Variants in BTBD9 observed in about 807,000 individuals in gnomAD.
The protein encoded by BTBD9 is BTB/POZ domain-containing protein 9.
BTBD9 carries 49 observed loss-of-function variants against 64.3 expected under a neutral mutation model. The observed-to-expected ratio is 0.76, with a 90% CI of 0.61 to 0.97. BTBD9 has a LOEUF of 0.97. Ranked by LOEUF, BTBD9 falls within the 50% of genes least tolerant of loss-of-function variation. The pLI is 0.00. For synonymous variants in BTBD9, 260 were observed against 274.7 expected (o/e 0.95, Z 0.53); for missense variants, 598 against 762.1 (o/e 0.78, Z 2.53).
intron 6 of BTBD9, among the ~76,000 whole-genome samples, chr6:38,487,512 G>T (rs1031425115): frequency 2.0e-5 from 3 of 151,958 alleles, no homozygotes. Context: ...GTCCAGGGAG[G>T]TCGAGGCTGC....
chr6:38,483,003 T>C (rs1432183477), intron 6 of BTBD9, among the ~76,000 whole-genome samples: 2 of 151,938 alleles, frequency 1.3e-5, no homozygotes, highest in East Asian at 3.9e-4. Flanking sequence ...TCTCCCATAA[T>C]GAGGTACACG....
At chr6:38,463,954 C>T (rs1770221760) in intron 6 of BTBD9, among the ~76,000 whole-genome samples, 1 of 152,232 alleles carries the variant, frequency 6.6e-6, no homozygotes, top group South Asian at 2.1e-4. Context: ...ATCATCTGAG[C>T]CGGAGATGCA....
chr6:38,437,214 A>G (rs1435457634), intron 6 of BTBD9, among the ~76,000 whole-genome samples: 1 of 152,236 alleles, frequency 6.6e-6, no homozygotes, highest in Non-Finnish European at 1.5e-5. Flanking sequence ...TGGACACCAA[A>G]GATGCTAACG....
At chr6:38,587,229 C>G in intron 4 of BTBD9, 1 of 227,962 alleles carries the variant, frequency 4.4e-6, no homozygotes, top group Non-Finnish European at 8.8e-6. Context: ...TGACATCGGC[C>G]CAGTCAGTGG....
rs1761707580 is a variant in BTBD9 at position 38,184,139 on chromosome 6, C to G, written c.1641+8380G>C. Among the ~76,000 whole-genome samples the G allele has an allele frequency of 6.6e-6, 1 of 152,210 alleles. No homozygotes were observed. Among genetic ancestry groups the G allele is most frequent in the African/African-American group, 2.4e-5 (1 of 41,460 alleles). ...TTGTATGAGATGCTGTGTTTGCTTACCCATCCTCTGTGGATGGACGCTCGT... is the reference window on the plus strand; with the variant it reads ...TTGTATGAGATGCTGTGTTTGCTTAGCCATCCTCTGTGGATGGACGCTCGT... On this transcript the variant is annotated intron_variant, in intron 10 of 10. Coordinates refer to ENST00000481247, the MANE Select transcript of BTBD9 (RefSeq NM_001099272.2). This position sits in a 1 kb window ranked among gnomAD's most constrained non-coding sequence, Gnocchi z 4.4.
intron 6 of BTBD9, among the ~76,000 whole-genome samples, chr6:38,364,848 G>A (rs372995271): frequency 7.2e-5 from 11 of 152,152 alleles, no homozygotes; most frequent in African/African-American, 2.7e-4. Flanking sequence ...ACAAGGCCCT[G>A]TAGATCTTGA....
chr6:38,393,179 C>T (rs1449647021), intron 6 of BTBD9, among the ~76,000 whole-genome samples: 2 of 152,160 alleles, frequency 1.3e-5, no homozygotes, highest in African/African-American at 2.4e-5. Context: ...CAGGCGTGAG[C>T]CACTATGACC....
intron 7 of BTBD9, among the ~76,000 whole-genome samples, chr6:38,299,356 A>C (rs10456463): frequency 0.093 from 14,079 of 152,200 alleles, 875 homozygotes; most frequent in Non-Finnish European, 0.14. Context: ...ATTTATAGTC[A>C]TTTGGGTATA....
chr6:38,543,668 A>T (rs888580933), intron 6 of BTBD9, among the ~76,000 whole-genome samples: 1 of 152,014 alleles, frequency 6.6e-6, no homozygotes, highest in Non-Finnish European at 1.5e-5. Context: ...CAACCAAAAA[A>T]CCTGCCCCGC....
chr6:38,316,998 G>C (rs1040736653), intron 7 of BTBD9, among the ~76,000 whole-genome samples: 1 of 151,866 alleles, frequency 6.6e-6, no homozygotes, highest in Non-Finnish European at 1.5e-5. Context: ...TTAGCACTTA[G>C]TTTTTTATTT....
intron 9 of BTBD9, among the ~76,000 whole-genome samples, chr6:38,235,929 C>T (rs891343540): frequency 3.3e-5 from 5 of 152,016 alleles, no homozygotes; most frequent in African/African-American, 1.2e-4. Context: ...GTGCACAGAC[C>T]CCTTGGGCAT....
intron 6 of BTBD9, among the ~76,000 whole-genome samples, chr6:38,403,082 G>A (rs1225336494): frequency 6.7e-6 from 1 of 148,402 alleles, no homozygotes; most frequent in African/African-American, 2.5e-5. Flanking sequence ...GAGAGGGGAG[G>A]GAAGGGGAGG....
chr6:38,407,930 C>A (rs957343780), intron 6 of BTBD9, among the ~76,000 whole-genome samples: 6 of 152,110 alleles, frequency 3.9e-5, no homozygotes, highest in Non-Finnish European at 8.8e-5. Context: ...ATAATCAGAT[C>A]AAAGGAAAGC....
intron 1 of BTBD9, among the ~76,000 whole-genome samples, chr6:38,604,983 C>G (rs1262600828): frequency 2.6e-5 from 4 of 152,094 alleles, no homozygotes; most frequent in African/African-American, 9.7e-5. Context: ...CAGGTGCACA[C>G]AACCATGCCT....
At chr6:38,573,268 G>C (rs1775860040) in intron 6 of BTBD9, among the ~76,000 whole-genome samples, 1 of 152,080 alleles carries the variant, frequency 6.6e-6, no homozygotes, top group African/African-American at 2.4e-5. Context: ...CATGCAATTG[G>C]TAGAAATTGA....
chr6:38,180,525 G>C (rs1045037296), intron 10 of BTBD9, among the ~76,000 whole-genome samples: 1 of 150,902 alleles, frequency 6.6e-6, no homozygotes, highest in Non-Finnish European at 1.5e-5. Flanking sequence ...GCACCTTTGG[G>C]CTTCCCTCTA....
rs35699356 is a variant in BTBD9 at position 38,439,110 on chromosome 6, C to CTTTTTTTTTTTTTTTTTTTT, written c.1155-94037_1155-94018dup. On this transcript the variant is annotated intron_variant, in intron 6 of 10. Coordinates refer to ENST00000481247, the MANE Select transcript of BTBD9 (RefSeq NM_001099272.2). Reference sequence around the variant, plus strand: ...TCTTGTAGGCTCGTGTAGCAACTGACTTTTTTTTTTTTTTTTTTTTTTTTG... The same window carrying CTTTTTTTTTTTTTTTTTTTT: ...TCTTGTAGGCTCGTGTAGCAACTGACTTTTTTTTTTTTTTTTTTTTTTTTTTTTTTTTTTTTTTTTTTTTG... Among the ~76,000 whole-genome samples the CTTTTTTTTTTTTTTTTTTTT allele has an allele frequency of 1.2e-4, 8 of 64,052 alleles. 1 individual carries two copies. Among genetic ancestry groups the CTTTTTTTTTTTTTTTTTTTT allele is most frequent in the African/African-American group, 4.8e-4 (7 of 14,584 alleles). 42.0% of individuals were successfully genotyped at this position (64,052 alleles called of 152,430 possible).
intron 1 of BTBD9, among the ~76,000 whole-genome samples, chr6:38,602,142 A>G (rs1777270191): frequency 6.6e-6 from 1 of 152,208 alleles, no homozygotes; most frequent in South Asian, 2.1e-4. Context: ...TAGGAGCATC[A>G]TTTATATAAA....
chr6:38,616,931 C>T, intron 1 of BTBD9, among the ~76,000 whole-genome samples: 1 of 152,180 alleles, frequency 6.6e-6, no homozygotes, highest in East Asian at 1.9e-4. Flanking sequence ...AACCCACCAG[C>T]AGGAACAAAC....
Sources: gnomAD v4.1 joint callset for allele counts (sites outside exome capture counted in the v4.1 genomes callset) on GRCh38, gnomAD v4.1.1 for gene constraint, Gnocchi (gnomAD v3.1) non-coding constraint, MANE v1.5 for transcripts, NCBI Gene and HGNC (gene_info 2026-07-23, HGNC 2026-07-21) for gene names.